APAF1: variants seen among roughly 807,000 people sequenced by gnomAD.
APAF1 encodes the protein apoptotic peptidase activating factor 1.
APAF1 carries 91 observed loss-of-function variants against 152.4 expected under a neutral mutation model. The ratio of observed to expected loss-of-function variants is 0.60; its 90% CI spans 0.50 to 0.71. APAF1 has a LOEUF of 0.71. Among genes scored for constraint, APAF1 ranks in the 30% least tolerant of loss-of-function variants. The pLI, the probability that APAF1 is intolerant of heterozygous loss-of-function variation, is 0.00. For missense variants in APAF1, 1,283 were observed against 1,472.0 expected, an observed-to-expected ratio of 0.87 and a Z score of 2.10; for synonymous variants, 484 against 494.1, an observed-to-expected ratio of 0.98 and a Z score of 0.27.
chr12:98,708,885 G>T (rs1393593183), intron 20 of APAF1, among the ~76,000 whole-genome samples, 181 bp downstream of exon 20: 2 of 152,194 alleles, frequency 1.3e-5, no homozygotes, highest in Non-Finnish European at 2.9e-5. Context: ...CTTATATTTA[G>T]AATTAAATTA....
chr12:98,678,998 G>T (rs994128073), intron 13 of APAF1, among the ~76,000 whole-genome samples: 3 of 152,318 alleles, frequency 2.0e-5, no homozygotes, highest in African/African-American at 7.2e-5. Flanking sequence ...GGTGGAAGGG[G>T]GCGGGTCACC....
chr12:98,730,022 A>T (rs1221293040), intron 26 of APAF1, among the ~76,000 whole-genome samples: 1 of 152,230 alleles, frequency 6.6e-6, no homozygotes, highest in East Asian at 1.9e-4. Flanking sequence ...TTTGAGGTGG[A>T]TATCCCAATT....
chr12:98,648,238 A>G (rs897959437), intron 1 of APAF1, 81 bp from the exon 2 acceptor site: 1 of 1,313,932 alleles, frequency 7.6e-7, no homozygotes, highest in Non-Finnish European at 1.1e-6. Context: ...TGTTCTTTTT[A>G]CGTTTCTTGT....
At chr12:98,703,928 T>C (rs1326042708) in intron 18 of APAF1, among the ~76,000 whole-genome samples, 2 of 152,204 alleles carry the variant, frequency 1.3e-5, no homozygotes, top group Non-Finnish European at 2.9e-5. Context: ...TAGGATAAGA[T>C]AGGATGTTCA....
intron 4 of APAF1, among the ~76,000 whole-genome samples, chr12:98,656,916 G>A (rs1194940701): frequency 3.3e-5 from 5 of 152,098 alleles, no homozygotes; most frequent in South Asian, 2.1e-4. Context: ...TGTAATCACC[G>A]TCTCATTCAT....
chr12:98,648,071 T>G (rs943982754), intron 1 of APAF1, among the ~76,000 whole-genome samples: 4 of 152,164 alleles, frequency 2.6e-5, no homozygotes, highest in Admixed American at 2.6e-4. Context: ...AGAGAAAGCT[T>G]ATTTTAAACA....
In APAF1 at chr12:98,686,870, A is replaced by G. The variant is rs1297854342; in HGVS notation, c.2301A>G (p.Leu767=). 4 of 1,613,854 alleles carry G rather than the reference A, an allele frequency of 2.5e-6. No homozygotes were observed. Among genetic ancestry groups the G allele is most frequent in the African/African-American group, 2.7e-5 (2 of 74,926 alleles). Residue 767 remains leucine, a synonymous_variant, in exon 16 of 27, where the codon TTA becomes TTG. Coordinates refer to ENST00000551964, the MANE Select transcript of APAF1 (RefSeq NM_181861.2). ...LLASCSADGT[L]KLWDATSANE... is the part of the protein sequence containing the mutation. Reference sequence around the variant, plus strand: ...CTAGTTGTTCAGCTGATGGAACCTTAAAGGTATGCTTTTGTACACTATTAA... The same window carrying G: ...CTAGTTGTTCAGCTGATGGAACCTTGAAGGTATGCTTTTGTACACTATTAA...
chr12:98,716,862 G>GT (rs2097735316), intron 22 of APAF1, among the ~76,000 whole-genome samples: 2 of 151,576 alleles, frequency 1.3e-5, no homozygotes, highest in African/African-American at 2.4e-5. Flanking sequence ...TGTGCTTTAT[G>GT]TTTTTTTCTT....
At chr12:98,721,655 GT>G (rs936714093) in intron 22 of APAF1, among the ~76,000 whole-genome samples, 1 of 152,062 alleles carries the variant, frequency 6.6e-6, no homozygotes, top group Non-Finnish European at 1.5e-5. Flanking sequence ...CTCACTTCCA[GT>G]TCGTCTTCTA....
Position 98,729,325 on chromosome 12 carries a change from G to A in APAF1, c.3600+2009G>A, listed in dbSNP as rs528599148. 1.4e-4 allele frequency among the ~76,000 whole-genome samples: 22 copies of A among 152,276 alleles called. No individual in the cohort carries two copies. The South Asian group carries it at 2.5e-3, about 17-fold the overall frequency. ...GGGGTGGTGGTAGGAAGTGGGGAGCGGGGAATGGTTTCAGGATTAAACTGT... is the reference window on the plus strand; with the variant it reads ...GGGGTGGTGGTAGGAAGTGGGGAGCAGGGAATGGTTTCAGGATTAAACTGT... On this transcript the variant is annotated intron_variant, in intron 26 of 26. Transcript: ENST00000551964.
chr12:98,705,386 G>A (rs917427031), intron 18 of APAF1, among the ~76,000 whole-genome samples: 1 of 152,276 alleles, frequency 6.6e-6, no homozygotes, highest in East Asian at 1.9e-4. Flanking sequence ...GAGATTTTCA[G>A]TTGTGGAACC....
intron 10 of APAF1, among the ~76,000 whole-genome samples, chr12:98,670,152 C>T (rs1279077928): frequency 1.3e-5 from 2 of 152,060 alleles, no homozygotes; most frequent in African/African-American, 4.8e-5. Context: ...ACTGTGTTGC[C>T]CAGGCTGATC....
intron 4 of APAF1, among the ~76,000 whole-genome samples, chr12:98,653,936 T>C (rs78771907): frequency 0.073 from 11,129 of 151,772 alleles, 561 homozygotes; most frequent in East Asian, 0.21. Flanking sequence ...TTCTGTCCTT[T>C]CCAAGATTTC....
At chr12:98,675,606 A>T (rs2097685647) in intron 12 of APAF1, among the ~76,000 whole-genome samples, 1 of 152,222 alleles carries the variant, frequency 6.6e-6, no homozygotes, top group Admixed American at 6.5e-5. Context: ...CTGTTTACAT[A>T]GCATTTACAT....
intron 12 of APAF1, among the ~76,000 whole-genome samples, chr12:98,672,804 G>A (rs2097681928): frequency 6.6e-6 from 1 of 150,774 alleles, no homozygotes; most frequent in Non-Finnish European, 1.5e-5. Context: ...GCCCAGGCTG[G>A]AGTGCAATGG....
chr12:98,692,482 G>A (rs1001605425), intron 16 of APAF1, among the ~76,000 whole-genome samples: 9 of 152,144 alleles, frequency 5.9e-5, no homozygotes, highest in Admixed American at 2.6e-4. Context: ...TGCTGATGCC[G>A]AGGTTTGGGT....
intron 12 of APAF1, among the ~76,000 whole-genome samples, chr12:98,675,380 A>T (rs74413253): frequency 0.014 from 2,166 of 152,288 alleles, 43 homozygotes; most frequent in African/African-American, 0.05. Context: ...TTTAAAATCT[A>T]ATCCTCTTAA....
chr12:98,675,462 A>C (rs1201819257), intron 12 of APAF1, among the ~76,000 whole-genome samples: 2 of 152,168 alleles, frequency 1.3e-5, no homozygotes, highest in African/African-American at 2.4e-5. Context: ...GACCCTCCAT[A>C]TCCGTGGTTC....
At chr12:98,664,861 A>G (rs940105125) in intron 7 of APAF1, among the ~76,000 whole-genome samples, 4 of 151,680 alleles carry the variant, frequency 2.6e-5, no homozygotes, top group Non-Finnish European at 5.9e-5. Flanking sequence ...CTATATCTTG[A>G]GCATTTTCCC....
Sources: gnomAD v4.1 joint callset for allele counts (sites outside exome capture counted in the v4.1 genomes callset) on GRCh38, gnomAD v4.1.1 for gene constraint, MANE v1.5 for transcripts, NCBI Gene and HGNC (gene_info 2026-07-23, HGNC 2026-07-21) for gene names.